The following TANC2 variants were observed in gnomAD, a reference collection of about 807,000 sequenced individuals.
TANC2 encodes tetratricopeptide repeat, ankyrin repeat and coiled-coil containing 2.
In TANC2, 26 loss-of-function variants were observed where a neutral mutation model predicts 210.5. The ratio of observed to expected loss-of-function variants is 0.12; its 90% CI spans 0.09 to 0.17. The LOEUF (loss-of-function observed/expected upper bound fraction) is 0.17. TANC2 is among the 10% of genes least tolerant of loss of function. The probability of loss-of-function intolerance (pLI) is 1.00; values close to 1 mark genes in which losing one functional copy is unlikely to be tolerated. For synonymous variants in TANC2, 931 were observed against 967.1 expected, an observed-to-expected ratio of 0.96 and a Z score of 0.69; for missense variants, 2,129 against 2,608.9, an observed-to-expected ratio of 0.82 and a Z score of 4.01.
intron 17 of TANC2, 76 bp from the exon 18 acceptor site, chr17:63,395,667 C>T: frequency 7.5e-7 from 1 of 1,335,622 alleles, no homozygotes; most frequent in Non-Finnish European, 1.0e-6. Context: ...TAGGCTTGTG[C>T]AGTGGCGGAT....
intron 10 of TANC2, among the ~76,000 whole-genome samples, 153 bp from the exon 11 acceptor site, chr17:63,318,804 T>C (rs2045398556): frequency 6.6e-6 from 1 of 152,258 alleles, no homozygotes; most frequent in African/African-American, 2.4e-5. Context: ...TGAACACTTG[T>C]GTACAAGTTT....
chr17:63,204,668 A>T (rs1421897574), intron 7 of TANC2, among the ~76,000 whole-genome samples: 1 of 152,192 alleles, frequency 6.6e-6, no homozygotes, highest in Admixed American at 6.5e-5. Context: ...TAAAAGTCAT[A>T]TGGAATCTTA....
intron 4 of TANC2, chr17:63,120,830 A>C (rs1204140005): frequency 2.0e-5 from 3 of 151,146 alleles, no homozygotes; most frequent in Non-Finnish European, 2.9e-5. Context: ...AAAAAAAAAA[A>C]AAAAAAAAAA....
At chr17:63,249,560 G>A (rs2043001531) in intron 8 of TANC2, among the ~76,000 whole-genome samples, 1 of 152,160 alleles carries the variant, frequency 6.6e-6, no homozygotes, top group African/African-American at 2.4e-5. Context: ...ACAGAAGTCA[G>A]CTAAAATATA....
At chr17:63,153,572 T>G (rs1013865419) in intron 5 of TANC2, 3 of 152,106 alleles carry the variant, frequency 2.0e-5, no homozygotes, top group Non-Finnish European at 4.4e-5. Flanking sequence ...GAATTTGCAT[T>G]TCTAACAAAA....
At chr17:63,072,126 T>C (rs529465846) in intron 2 of TANC2, among the ~76,000 whole-genome samples, 1 of 152,234 alleles carries the variant, frequency 6.6e-6, no homozygotes, top group South Asian at 2.1e-4. Flanking sequence ...AACTTTAGGA[T>C]TTTTGGACAT....
intron 4 of TANC2, among the ~76,000 whole-genome samples, chr17:63,106,805 A>AT (rs1304049614): frequency 2.0e-5 from 3 of 151,704 alleles, no homozygotes; most frequent in Admixed American, 6.6e-5. Flanking sequence ...CAAGAAAGTA[A>AT]TTTTCTAGTT....
chr17:63,014,164 T>C (rs923204371), intron 2 of TANC2, among the ~76,000 whole-genome samples: 4 of 152,196 alleles, frequency 2.6e-5, no homozygotes, highest in African/African-American at 9.6e-5. Context: ...GAATTTTTTT[T>C]CAATTATTGA....
intron 7 of TANC2, among the ~76,000 whole-genome samples, chr17:63,220,728 ATATATATATG>A (rs1338846651): frequency 1.3e-3 from 191 of 144,842 alleles, no homozygotes; most frequent in African/African-American, 4.6e-3. Context: ...AAATATATAT[ATATATATATG>A]TATATATATA....
chr17:63,098,932 G>T (rs543474298), intron 3 of TANC2, among the ~76,000 whole-genome samples: 1 of 152,020 alleles, frequency 6.6e-6, no homozygotes, highest in Non-Finnish European at 1.5e-5. Context: ...TTATATGATT[G>T]CATCTCTCAT....
intron 1 of TANC2, among the ~76,000 whole-genome samples, chr17:62,992,925 GT>G (rs1283415049): frequency 1.3e-5 from 2 of 152,186 alleles, no homozygotes; most frequent in Non-Finnish European, 2.9e-5. Context: ...AAAAACTAAT[GT>G]TTTGGCATAC....
At position 63,170,391 on chromosome 17, in the gene TANC2, T is replaced by C. The variant is rs140913851; in HGVS notation, c.433+19011T>C. Among the ~76,000 whole-genome samples, 1,260 of 149,692 alleles carry C rather than the reference T, an allele frequency of 8.4e-3. 15 individuals carry two copies. Among genetic ancestry groups the C allele is most frequent in the African/African-American group, 0.028 (1,155 of 40,616 alleles). On this transcript the variant is annotated intron_variant, in intron 5 of 27. Coordinates refer to ENST00000689528, the Ensembl canonical transcript of TANC2. ...CAGAGCTTGCAGTAAGCCGAGATCG[T>C]GCCACTGCTCTCACAGCCTGGGCAA... is the stretch of plus-strand genomic sequence containing the variant.
chr17:63,281,904 C>G (rs562806646), intron 9 of TANC2, among the ~76,000 whole-genome samples: 13 of 152,030 alleles, frequency 8.6e-5, no homozygotes, highest in African/African-American at 2.9e-4. Context: ...TAGGAGCTAC[C>G]GAAAACTAGG....
At chr17:63,301,698 T>C (rs2044718866) in intron 9 of TANC2, among the ~76,000 whole-genome samples, 1 of 152,178 alleles carries the variant, frequency 6.6e-6, no homozygotes, top group African/African-American at 2.4e-5. Context: ...GCTAGCAGTC[T>C]ATCTATTTTG....
chr17:63,422,118 GA>G (rs2049040193), exon 28 of TANC2: 4 of 880,370 alleles, frequency 4.5e-6, no homozygotes, highest in Admixed American at 6.4e-5. Context: ...AGCCGACTGG[GA>G]AGCGGCCTCC....
chr17:63,057,579 C>T (rs2035851276), intron 2 of TANC2, among the ~76,000 whole-genome samples: 1 of 152,116 alleles, frequency 6.6e-6, no homozygotes, highest in Admixed American at 6.5e-5. Context: ...CCTCTCTCTG[C>T]TCTCTCCCTT....
chr17:63,426,586 G>A (rs996320662), exon 28 of TANC2: 1 of 152,220 alleles, frequency 6.6e-6, no homozygotes, highest in African/African-American at 2.4e-5. Context: ...GCCACAGTCA[G>A]AGCTTTGAAA....
intron 15 of TANC2, 22 bp downstream of exon 15, chr17:63,379,848 A>AT: frequency 6.3e-7 from 1 of 1,585,366 alleles, no homozygotes; most frequent in South Asian, 1.1e-5. Flanking sequence ...AGTTGGAACC[A>AT]TTTTTCCGCC....
intron 14 of TANC2, among the ~76,000 whole-genome samples, chr17:63,363,372 C>T (rs1184685040): frequency 6.6e-6 from 1 of 152,160 alleles, no homozygotes; most frequent in Non-Finnish European, 1.5e-5. Context: ...GCTGAGGTCC[C>T]ATTTGTCCAT....
Sources: allele counts gnomAD v4.1 joint callset (sites outside exome capture counted in the v4.1 genomes callset), GRCh38; gene constraint gnomAD v4.1.1; transcripts MANE v1.5; gene names NCBI Gene and HGNC (gene_info 2026-07-23, HGNC 2026-07-21).